The following TSPAN9 variants were observed in gnomAD, a reference collection of about 807,000 sequenced individuals.
TSPAN9 encodes tetraspanin 9.
TSPAN9 carries 16 observed loss-of-function variants against 31.0 expected under a neutral mutation model. That is an observed-to-expected ratio of 0.52 (90% CI 0.35 to 0.78). The LOEUF is 0.78. TSPAN9 is among the 30% of genes least tolerant of loss of function. The pLI is 0.01. For missense variants in TSPAN9, 272 were observed against 312.5 expected (o/e 0.87, Z 0.98); for synonymous variants, 145 against 121.6 (o/e 1.19, Z -1.27).
intron 3 of TSPAN9, among the ~76,000 whole-genome samples, chr12:3,207,889 A>G (rs572682997): frequency 1.1e-4 from 17 of 152,314 alleles, no homozygotes; most frequent in Admixed American, 1.0e-3. Context: ...TCAGCCAGGC[A>G]GCTTTTACAT....
intron 3 of TSPAN9, among the ~76,000 whole-genome samples, chr12:3,253,111 G>A (rs528572875): frequency 2.5e-4 from 38 of 152,216 alleles, no homozygotes; most frequent in Admixed American, 1.2e-3. Context: ...CTGTGTCCTC[G>A]GGGGTGGTGA....
chr12:3,132,906 C>T (rs1591641415), intron 2 of TSPAN9, among the ~76,000 whole-genome samples: 1 of 152,106 alleles, frequency 6.6e-6, no homozygotes, highest in East Asian at 1.9e-4. Flanking sequence ...CACAGAGCTC[C>T]TCCCCGTCAC....
At position 3,156,388 on chromosome 12, in the gene TSPAN9, CG is replaced by C. The variant is rs375640958; in HGVS notation, c.-17-44783del. Among the ~76,000 whole-genome samples, 27 of 152,126 alleles carry C rather than the reference CG, an allele frequency of 1.8e-4. No homozygotes were observed. The East Asian group carries it at 4.8e-3, about 27-fold the overall frequency. On this transcript the variant is annotated intron_variant, in intron 2 of 8. Coordinates refer to ENST00000011898, the MANE Select transcript of TSPAN9 (RefSeq NM_006675.5). ...GAGGGAGGGGCAGCAGGTGGGGAGT[CG>C]GGGGGCCAGGAGATAGGGTGCTGAT...
intron 2 of TSPAN9, among the ~76,000 whole-genome samples, chr12:3,152,620 CTG>C (rs1464321338): frequency 6.6e-6 from 1 of 151,774 alleles, no homozygotes; most frequent in Non-Finnish European, 1.5e-5. Flanking sequence ...GAGTCTCGCT[CTG>C]TTGCCCAGGC....
intron 2 of TSPAN9, among the ~76,000 whole-genome samples, chr12:3,142,402 C>T (rs990192771): frequency 7.9e-5 from 12 of 152,166 alleles, no homozygotes; most frequent in African/African-American, 2.9e-4. Flanking sequence ...CCTCGCCTCT[C>T]GCCTCCTCCC....
rs1273977788 is a variant in TSPAN9 at position 3,172,925 on chromosome 12, C to T, written c.-17-28252C>T. 2 of 152,306 alleles carry T rather than the reference C, an allele frequency of 1.3e-5. No homozygotes were observed. Among genetic ancestry groups the T allele is most frequent in the African/African-American group, 4.8e-5 (2 of 41,460 alleles). 9.4% of individuals were successfully genotyped at this position (152,306 alleles called of 1,614,324 possible). A position where few individuals can be genotyped will look rare whatever the true frequency, so the allele number is the denominator to read the frequency against. Reference sequence around the variant, plus strand: ...TTGTTACCACCGCTGGGCCCTCCCACCACCTGACCTTGAAGCGCACTCAGA... The same window carrying T: ...TTGTTACCACCGCTGGGCCCTCCCATCACCTGACCTTGAAGCGCACTCAGA... On this transcript the variant is annotated intron_variant, in intron 2 of 8. Coordinates refer to ENST00000011898, the MANE Select transcript of TSPAN9 (RefSeq NM_006675.5). This position sits in a 1 kb window ranked among gnomAD's most constrained non-coding sequence, Gnocchi z 4.8.
intron 3 of TSPAN9, chr12:3,206,454 GCACC>G (rs2098375227): frequency 2.3e-6 from 1 of 428,636 alleles, no homozygotes; most frequent in African/African-American, 2.0e-5. Context: ...CAGCAGGCCT[GCACC>G]CAGAGCCCTG....
In TSPAN9 at chr12:3,129,196, T is replaced by C. The variant is rs145608821; in HGVS notation, c.-18+45477T>C. 1.7e-3 allele frequency among the ~76,000 whole-genome samples: 261 copies of C among 152,326 alleles called. 1 individual carries two copies. The highest frequency in any genetic ancestry group is 3.4e-3 in the Middle Eastern group (1 of 294). The stretch of plus-strand genomic sequence containing the variant: ...TGGACATTTGGGTGTTTCTACCTTT[T>C]GGCTATTGTGCAGCATCGTATTTTA... On this transcript the variant is annotated intron_variant, in intron 2 of 8. Coordinates refer to ENST00000011898, the MANE Select transcript of TSPAN9 (RefSeq NM_006675.5).
intron 3 of TSPAN9, among the ~76,000 whole-genome samples, chr12:3,265,390 C>T (rs188780325): frequency 6.8e-4 from 104 of 152,278 alleles, no homozygotes; most frequent in Admixed American, 1.3e-3. Context: ...TGCAGAGACA[C>T]GGTACATGAA....
At chr12:3,231,410 C>T (rs1243725976) in intron 3 of TSPAN9, among the ~76,000 whole-genome samples, 6 of 152,200 alleles carry the variant, frequency 3.9e-5, no homozygotes, top group East Asian at 1.9e-4. Context: ...GGGGAGTCAG[C>T]GAAGACAGCA....
At chr12:3,180,962 G>T (rs1338615523) in intron 2 of TSPAN9, among the ~76,000 whole-genome samples, 2 of 151,906 alleles carry the variant, frequency 1.3e-5, no homozygotes, top group Non-Finnish European at 2.9e-5. Context: ...CGGCTCAGAT[G>T]TAGGAGTTCA....
intron 3 of TSPAN9, among the ~76,000 whole-genome samples, chr12:3,215,508 A>G (rs1304362083): frequency 1.3e-5 from 2 of 152,104 alleles, no homozygotes; most frequent in Non-Finnish European, 2.9e-5. Flanking sequence ...TTTTCTTTTC[A>G]TGACTTCCTG....
intron 2 of TSPAN9, among the ~76,000 whole-genome samples, chr12:3,171,128 G>A (rs2098351591): frequency 6.6e-6 from 1 of 152,044 alleles, no homozygotes; most frequent in Admixed American, 6.6e-5. Context: ...CCCGACGCGC[G>A]CCGAGACCTT....
At chr12:3,087,686 A>G (rs1016234696) in intron 2 of TSPAN9, among the ~76,000 whole-genome samples, 4 of 151,118 alleles carry the variant, frequency 2.6e-5, no homozygotes, top group Non-Finnish European at 5.9e-5. Flanking sequence ...CGCACCTGTA[A>G]TACCAGATAC....
At chr12:3,081,314 C>T (rs140719983) in intron 1 of TSPAN9, among the ~76,000 whole-genome samples, 11 of 152,134 alleles carry the variant, frequency 7.2e-5, no homozygotes, top group Non-Finnish European at 1.3e-4. Flanking sequence ...GATCTAATCC[C>T]GGTGCATTCG....
Position 3,141,500 on chromosome 12 carries a change from C to T in TSPAN9, c.-18+57781C>T, listed in dbSNP as rs367657927. On this transcript the variant is annotated intron_variant, in intron 2 of 8. Coordinates refer to ENST00000011898, the MANE Select transcript of TSPAN9 (RefSeq NM_006675.5). Reference sequence around the variant, plus strand: ...CTGAGGCCCACACATCTTTCTAGGGCCAGCAGGAGTCCTGTGTCTTTGAGG... The same window carrying T: ...CTGAGGCCCACACATCTTTCTAGGGTCAGCAGGAGTCCTGTGTCTTTGAGG... Among the ~76,000 whole-genome samples the T allele has an allele frequency of 2.8e-3, 419 of 152,290 alleles. 3 individuals carry two copies. The highest frequency in any genetic ancestry group is 0.024 in the Middle Eastern group (7 of 294).
chr12:3,278,659 GCA>G (rs768022698), intron 4 of TSPAN9, 47 bp downstream of exon 4: 1 of 1,588,258 alleles, frequency 6.3e-7, no homozygotes, highest in Non-Finnish European at 8.6e-7. Context: ...TGATCTCCTT[GCA>G]CTTGGACCCC....
At chr12:3,089,531 G>A (rs60374491) in intron 2 of TSPAN9, among the ~76,000 whole-genome samples, 79 of 151,390 alleles carry the variant, frequency 5.2e-4, no homozygotes, top group African/African-American at 1.2e-3. Flanking sequence ...TCCTGACCTC[G>A]TGATCCGCCC....
chr12:3,167,533 G>A (rs2098349166), intron 2 of TSPAN9, among the ~76,000 whole-genome samples: 1 of 152,202 alleles, frequency 6.6e-6, no homozygotes, highest in African/African-American at 2.4e-5. Context: ...TGGTGTACAG[G>A]TGCTAATAAA....
Sources: allele counts gnomAD v4.1 joint callset (sites outside exome capture counted in the v4.1 genomes callset), GRCh38; gene constraint gnomAD v4.1.1; non-coding constraint Gnocchi (gnomAD v3.1); transcripts MANE v1.5; gene names NCBI Gene and HGNC (gene_info 2026-07-23, HGNC 2026-07-21).